Variants in KCNMB1 observed in about 807,000 individuals in gnomAD.
KCNMB1 encodes potassium calcium-activated channel subfamily M regulatory beta subunit 1, also known as calcium-activated potassium channel subunit beta-1.
Under a neutral mutation model 21.7 loss-of-function variants are expected in KCNMB1, and 22 were observed. That is an observed-to-expected ratio of 1.01 (90% CI 0.72 to 1.45). The LOEUF (loss-of-function observed/expected upper bound fraction) is 1.45. Ranked by LOEUF, KCNMB1 falls within the 40% of genes most tolerant of loss-of-function variation. The probability of loss-of-function intolerance (pLI) is 0.00; values close to 1 mark genes in which losing one functional copy is unlikely to be tolerated. For synonymous variants in KCNMB1, 114 were observed against 107.6 expected, an observed-to-expected ratio of 1.06 and a Z score of -0.37; for missense variants, 243 against 243.4, an observed-to-expected ratio of 1.00 and a Z score of 0.01.
chr5:170,378,531 G>T lies in KCNMB1; in HGVS notation c.*173C>A. On this transcript the variant is annotated 3_prime_UTR_variant, in exon 4 of 4. Transcript: ENST00000274629. ...CACTGTACATTCTTGAGCAGGCAAT[G>T]ACTTCACAAAAGGATTTCTCAAAGG... 1 of 756,686 alleles carries T rather than the reference G, an allele frequency of 1.3e-6. No individual in the cohort carries two copies. Among genetic ancestry groups the T allele is most frequent in the South Asian group, 1.8e-5 (1 of 55,598 alleles). 46.9% of individuals were successfully genotyped at this position (756,686 alleles called of 1,614,324 possible).
At chr5:170,383,308 C>G in intron 3 of KCNMB1, 1 of 532,752 alleles carries the variant, frequency 1.9e-6, no homozygotes, top group South Asian at 2.4e-5. Context: ...AGTACTAACA[C>G]TAATCACTGC....
At position 170,378,622 on chromosome 5, in the gene KCNMB1, T is replaced by C. The variant is rs763261723; in HGVS notation, c.*82A>G. On this transcript the variant is annotated 3_prime_UTR_variant, in exon 4 of 4. Coordinates refer to ENST00000274629, the MANE Select transcript of KCNMB1 (RefSeq NM_004137.4). Reference sequence around the variant, plus strand: ...AGTGGGAGGGCAGGTGGAGAAGGCATTGTGCTGCAAGTGGGGAGCAGCCCT... The same window carrying C: ...AGTGGGAGGGCAGGTGGAGAAGGCACTGTGCTGCAAGTGGGGAGCAGCCCT... 7 of 1,415,514 alleles carry C rather than the reference T, an allele frequency of 4.9e-6. No homozygotes were observed. The highest frequency in any genetic ancestry group is 2.2e-5 in the Admixed American group (1 of 44,788). The allele number at this position is 1,415,514 out of a possible 1,614,324, so 87.7% of individuals were successfully genotyped here.
chr5:170,388,467 C>A (rs547566040), intron 1 of KCNMB1, among the ~76,000 whole-genome samples: 1 of 152,198 alleles, frequency 6.6e-6, no homozygotes, highest in Non-Finnish European at 1.5e-5. Flanking sequence ...AGAAGAACTT[C>A]CCAGTTTTGA....
At chr5:170,383,923 A>T in intron 2 of KCNMB1, 73 bp from the exon 3 acceptor site, 1 of 1,508,538 alleles carries the variant, frequency 6.6e-7, no homozygotes, top group Admixed American at 1.9e-5. Context: ...ATTTGAACCC[A>T]TTATCCCCTG....
At position 170,378,901 on chromosome 5, in the gene KCNMB1, A is replaced by T. The variant is rs754879970; in HGVS notation, c.379T>A (p.Phe127Ile). Reference protein sequence around the residue: ...RADVEKVRAKFQEQQVFYCFS... With the variant: ...RADVEKVRAKIQEQQVFYCFS... ...CAGTAGAAGACCTGCTGCTCTTGGA[A>T]TTTGGCTCTGACCTTCTCCACGTCG... The change falls in exon 4 of 4, where the codon TTC becomes ATC. Residue 127 changes from phenylalanine to isoleucine, a missense_variant. Physicochemically the swap from Phe to Ile is conservative, Grantham distance 21 (BLOSUM62 0). Transcript: ENST00000274629. 7 of 1,614,186 alleles carry T rather than the reference A, an allele frequency of 4.3e-6. No individual in the cohort carries two copies. The Admixed American group carries it at 1.2e-4, about 27-fold the overall frequency.
rs1764071038 is a variant in KCNMB1 at position 170,377,834 on chromosome 5, A to T, written c.*870T>A. On this transcript the variant is annotated 3_prime_UTR_variant, in exon 4 of 4. Transcript: ENST00000274629. Reference sequence around the variant, plus strand: ...TGATCCACCAGCCTCGGCCTCCCAAAGTGCTGGGATTACAGGAGTGAGCCA... The same window carrying T: ...TGATCCACCAGCCTCGGCCTCCCAATGTGCTGGGATTACAGGAGTGAGCCA... 6.6e-6 allele frequency: 1 copy of T among 152,158 alleles called. No homozygotes were observed. The highest frequency in any genetic ancestry group is 2.1e-4 in the South Asian group (1 of 4,828). The allele number at this position is 152,158 out of a possible 1,614,324, so 9.4% of individuals were successfully genotyped here.
In KCNMB1 at chr5:170,377,072, T is replaced by C. The variant is rs952536322; in HGVS notation, c.*1632A>G. On this transcript the variant is annotated 3_prime_UTR_variant, in exon 4 of 4. Transcript: ENST00000274629. ...GGATTCAAACCCAAGATCTGCATCT[T>C]GGACTCACAACACTGGAAGAAACTT... is the stretch of plus-strand genomic sequence containing the variant. The C allele has an allele frequency of 6.6e-6, 1 of 152,184 alleles. No individual in the cohort carries two copies. The highest frequency in any genetic ancestry group is 2.4e-5 in the African/African-American group (1 of 41,430). 9.4% of individuals were successfully genotyped at this position (152,184 alleles called of 1,614,324 possible). A position where few individuals can be genotyped will look rare whatever the true frequency, so the allele number is the denominator to read the frequency against.
chr5:170,379,087 T>C, intron 3 of KCNMB1, 114 bp from the exon 4 acceptor site: 1 of 1,295,644 alleles, frequency 7.7e-7, no homozygotes, highest in Non-Finnish European at 1.1e-6. Context: ...TGGATTGGAG[T>C]CGGGGCTTTG....
In KCNMB1 at chr5:170,378,987, CAA is replaced by C. The variant is rs1561593379; in HGVS notation, c.307-16_307-15del. ...GATGTAGGAGCACTGTGGGGAGAAA[CAA>C]GAGCAGCTGTGGGCTTGGAAATCCC... On this transcript the variant is annotated splice_polypyrimidine_tract_variant and intron_variant, in intron 3 of 3. Transcript: ENST00000274629. The C allele has an allele frequency of 1.2e-6, 2 of 1,611,796 alleles. No homozygotes were observed. Among genetic ancestry groups the C allele is most frequent in the Non-Finnish European group, 1.7e-6 (2 of 1,178,430 alleles).
At chr5:170,382,655 CTTT>C (rs5873227) in intron 3 of KCNMB1, 11,652 of 129,216 alleles carry the variant, frequency 0.09, 439 homozygotes, top group Admixed American at 0.13. Context: ...AAGAGCCTTT[CTTT>C]TTTTTTTTTT....
At chr5:170,382,309 A>G (rs1175647965) in intron 3 of KCNMB1, among the ~76,000 whole-genome samples, 1 of 152,166 alleles carries the variant, frequency 6.6e-6, no homozygotes, top group Non-Finnish European at 1.5e-5. Context: ...CCACCTTGAT[A>G]TGTCTAGTGT....
intron 3 of KCNMB1, among the ~76,000 whole-genome samples, chr5:170,380,713 C>T (rs111894562): frequency 0.027 from 4,054 of 152,296 alleles, 119 homozygotes; most frequent in African/African-American, 0.068. Flanking sequence ...CCTGAGCTGA[C>T]GGTGAGGGGG....
rs1472650670 is a variant in KCNMB1 at position 170,385,365 on chromosome 5, A to G, written c.83T>C (p.Val28Ala). 1 of 1,613,874 alleles carries G rather than the reference A, an allele frequency of 6.2e-7. No individual in the cohort carries two copies. The highest frequency in any genetic ancestry group is 8.5e-7 in the Non-Finnish European group (1 of 1,179,990). ...CGTGACCAGGATGTAGTAGGTGATG[A>G]CGGCACACACCACCATGGTTACACC... ...CLGVTMVVCAVITYYILVTTV... is the reference protein window; with the variant it reads ...CLGVTMVVCAAITYYILVTTV... The change falls in exon 2 of 4, where the codon GTC (valine) becomes GCC (alanine). Residue 28 changes from valine to alanine, a missense_variant. Coordinates refer to ENST00000274629, the MANE Select transcript of KCNMB1 (RefSeq NM_004137.4).
intron 3 of KCNMB1, among the ~76,000 whole-genome samples, chr5:170,381,079 TC>T (rs1225901399): frequency 6.6e-6 from 1 of 152,220 alleles, no homozygotes; most frequent in East Asian, 1.9e-4. Flanking sequence ...ATGGATGAGC[TC>T]TGAAGTAGAG....
chr5:170,382,437 C>G (rs930628014), intron 3 of KCNMB1, among the ~76,000 whole-genome samples: 3 of 152,158 alleles, frequency 2.0e-5, no homozygotes, highest in African/African-American at 7.2e-5. Flanking sequence ...TCAAAGGCCT[C>G]TGGGAACAGA....
chr5:170,382,095 T>C (rs1428745634), intron 3 of KCNMB1, among the ~76,000 whole-genome samples: 2 of 152,186 alleles, frequency 1.3e-5, no homozygotes, highest in Non-Finnish European at 2.9e-5. Flanking sequence ...TCTCCCCTGC[T>C]GCAGGCCACA....
intron 1 of KCNMB1, among the ~76,000 whole-genome samples, chr5:170,386,473 A>G (rs2113349088): frequency 6.6e-6 from 1 of 152,280 alleles, no homozygotes; most frequent in African/African-American, 2.4e-5. Context: ...TACAACAGTC[A>G]TAGGTCCCAT....
intron 2 of KCNMB1, 96 bp downstream of exon 2, chr5:170,385,218 G>A: frequency 7.4e-7 from 1 of 1,351,866 alleles, no homozygotes; most frequent in Admixed American, 1.7e-5. Context: ...TTGAATGAGG[G>A]TCAAGGAGAG....
At chr5:170,389,168 C>A (rs1165943071) in intron 1 of KCNMB1, 91 bp downstream of exon 1, 2 of 152,286 alleles carry the variant, frequency 1.3e-5, no homozygotes, top group African/African-American at 4.8e-5. Flanking sequence ...TGCCTCCCTC[C>A]CTGCCCCGTG....
Sources: allele counts gnomAD v4.1 joint callset (sites outside exome capture counted in the v4.1 genomes callset), GRCh38; gene constraint gnomAD v4.1.1; transcripts MANE v1.5; gene names NCBI Gene and HGNC (gene_info 2026-07-23, HGNC 2026-07-21).